Variants in RASSF5 observed in about 807,000 individuals in gnomAD.
RASSF5 encodes Ras association domain family member 5.
Under a neutral mutation model 40.5 loss-of-function variants are expected in RASSF5, and 25 were observed. That is an observed-to-expected ratio of 0.62 (90% CI 0.45 to 0.86). RASSF5 has a LOEUF of 0.86. Among genes scored for constraint, RASSF5 ranks in the 40% least tolerant of loss-of-function variants. The pLI, the probability that RASSF5 is intolerant of heterozygous loss-of-function variation, is 0.00. For missense variants in RASSF5, 521 were observed against 572.8 expected (o/e 0.91, Z 0.92); for synonymous variants, 246 against 252.4 (o/e 0.97, Z 0.24).
At position 206,521,332 on chromosome 1, in the gene RASSF5, C is replaced by T. The variant is rs781840374; in HGVS notation, c.457+13273C>T. 5.9e-5 allele frequency among the ~76,000 whole-genome samples: 9 copies of T among 152,252 alleles called. 1 individual carries two copies. In the Middle Eastern group the frequency reaches 0.014, roughly 230 times the overall value. On this transcript the variant is annotated intron_variant, in intron 1 of 5. Coordinates refer to ENST00000579436, the MANE Select transcript of RASSF5 (RefSeq NM_182663.4). The stretch of plus-strand genomic sequence containing the variant: ...TTCCCACTGCAAAAAAGCCTGCTTT[C>T]GCCCGGTTGATGATTGGCACTTTGA...
intron 2 of RASSF5, among the ~76,000 whole-genome samples, chr1:206,580,356 A>T (rs893621549): frequency 1.3e-5 from 2 of 152,176 alleles, no homozygotes; most frequent in Non-Finnish European, 2.9e-5. Flanking sequence ...TCTTTCCATT[A>T]CTTATTTTTT....
At chr1:206,568,037 T>G (rs1442888722) in intron 2 of RASSF5, among the ~76,000 whole-genome samples, 2 of 152,106 alleles carry the variant, frequency 1.3e-5, no homozygotes, top group Non-Finnish European at 2.9e-5. Flanking sequence ...TCCAGAACTC[T>G]CCAAGTAGTT....
At chr1:206,557,746 T>G in intron 2 of RASSF5, 1 of 1,588,738 alleles carries the variant, frequency 6.3e-7, no homozygotes, top group South Asian at 1.1e-5. Flanking sequence ...ATAACCTCTG[T>G]GGTCAATCTA....
chr1:206,524,058 T>C (rs1558498635), intron 1 of RASSF5, among the ~76,000 whole-genome samples: 1 of 109,892 alleles, frequency 9.1e-6, no homozygotes, highest in East Asian at 2.6e-4. Flanking sequence ...ATATAATAGG[T>C]ATAACATATA....
At chr1:206,540,943 G>A (rs558806289) in intron 2 of RASSF5, among the ~76,000 whole-genome samples, 1 of 152,214 alleles carries the variant, frequency 6.6e-6, no homozygotes, top group Admixed American at 6.5e-5. Context: ...GCCTAAGCTG[G>A]AGTGCAGTGG....
At chr1:206,518,393 C>T (rs948314991) in intron 1 of RASSF5, 12 of 398,576 alleles carry the variant, frequency 3.0e-5, no homozygotes, top group Admixed American at 4.4e-5. Flanking sequence ...CTGAGATGAC[C>T]GAGGGCCAGG....
intron 2 of RASSF5, among the ~76,000 whole-genome samples, chr1:206,561,663 C>CTTTTT (rs61094454): frequency 3.3e-4 from 39 of 117,972 alleles, no homozygotes; most frequent in Admixed American, 4.5e-4. Flanking sequence ...TTTTCTTTTT[C>CTTTTT]TTTTTTTTTT....
In RASSF5 at chr1:206,560,383, G is replaced by T. The variant is rs1668105614; in HGVS notation, c.579+22090G>T. Among the ~76,000 whole-genome samples the T allele has an allele frequency of 1.3e-5, 2 of 152,342 alleles. No individual in the cohort carries two copies. Among genetic ancestry groups the T allele is most frequent in the South Asian group, 2.1e-4 (1 of 4,830 alleles). On this transcript the variant is annotated intron_variant, in intron 2 of 5. Transcript: ENST00000579436. This position sits in a 1 kb window ranked among gnomAD's most constrained non-coding sequence, Gnocchi z 5.1. ...GGAAGAGGTCGGAGGGGTGGGAAAG[G>T]TCTCCCCATTTCATAGGAAGGGGGT...
At chr1:206,518,545 G>T in intron 1 of RASSF5, 1 of 398,700 alleles carries the variant, frequency 2.5e-6, no homozygotes. Flanking sequence ...AGGGCTCGGG[G>T]TAGGTCTAAG....
chr1:206,571,974 A>T (rs1045757407), intron 2 of RASSF5, among the ~76,000 whole-genome samples: 8 of 152,154 alleles, frequency 5.3e-5, no homozygotes, highest in African/African-American at 1.9e-4. Flanking sequence ...TCTGAGCTAA[A>T]AAGGGGGCTT....
At chr1:206,519,784 T>C (rs1414658516) in intron 1 of RASSF5, among the ~76,000 whole-genome samples, 1 of 152,258 alleles carries the variant, frequency 6.6e-6, no homozygotes, top group Non-Finnish European at 1.5e-5. Context: ...ATACGATTTT[T>C]CTGATTAAGG....
At chr1:206,533,733 TGA>T in intron 1 of RASSF5, among the ~76,000 whole-genome samples, 1 of 151,734 alleles carries the variant, frequency 6.6e-6, no homozygotes, top group Middle Eastern at 3.4e-3. Context: ...CCAACCTGGG[TGA>T]GAGAGTGAGA....
chr1:206,507,931 C>T lies in RASSF5; in HGVS notation c.329C>T (p.Pro110Leu). The T allele has an allele frequency of 2.0e-6, 3 of 1,520,638 alleles. No individual in the cohort carries two copies. The South Asian group carries it at 3.7e-5, about 19-fold the overall frequency. 94.2% of individuals were successfully genotyped at this position (1,520,638 alleles called of 1,614,324 possible). ...PRDVRSIFEQ[P>L]QDPRVPAERG... ...GACGTGCGGAGCATCTTCGAGCAGC[C>T]GCAGGATCCCAGAGTCCCGGCGGAG... is the stretch of plus-strand genomic sequence containing the variant. The change falls in exon 1 of 6, where the codon CCG (proline) becomes CTG (leucine). Residue 110 changes from proline to leucine, a missense_variant. Physicochemically the swap from Pro to Leu is moderately conservative, Grantham distance 98. Around this residue, in one of 2 missense-constraint regions of RASSF5, gnomAD observed 237 missense variants for 212.0 expected, o/e 1.12. Coordinates refer to ENST00000579436, the MANE Select transcript of RASSF5 (RefSeq NM_182663.4).
chr1:206,557,248 G>C (rs1668015130), intron 2 of RASSF5: 3 of 1,121,698 alleles, frequency 2.7e-6, no homozygotes, highest in Non-Finnish European at 3.3e-6. Flanking sequence ...CGGAGGGAGG[G>C]CGCTGGCGCC....
chr1:206,509,396 A>G (rs1666555817), intron 1 of RASSF5, among the ~76,000 whole-genome samples: 1 of 152,256 alleles, frequency 6.6e-6, no homozygotes, highest in African/African-American at 2.4e-5. Flanking sequence ...CAGAACCCCC[A>G]GTTCAGGTGC....
At chr1:206,529,618 G>A in intron 1 of RASSF5, 2 of 768,684 alleles carry the variant, frequency 2.6e-6, no homozygotes, top group Non-Finnish European at 4.7e-6. Flanking sequence ...TGTCACTGGG[G>A]CGGCAATGTC....
chr1:206,528,087 A>G (rs1667141898), intron 1 of RASSF5, among the ~76,000 whole-genome samples: 1 of 152,194 alleles, frequency 6.6e-6, no homozygotes, highest in African/African-American at 2.4e-5. Flanking sequence ...GAAGCAACCA[A>G]GATGTCCTTC....
chr1:206,581,435 T>TA (rs1305706136), intron 2 of RASSF5, among the ~76,000 whole-genome samples: 1 of 151,846 alleles, frequency 6.6e-6, no homozygotes, highest in Non-Finnish European at 1.5e-5. Context: ...CCGTCTCTAC[T>TA]AAAAAATACA....
intron 5 of RASSF5, chr1:206,586,529 C>G: frequency 3.6e-6 from 1 of 279,762 alleles, no homozygotes; most frequent in Non-Finnish European, 6.9e-6. Context: ...GTTCCAGCAT[C>G]ACTGTCAAGA....
Sources: allele counts gnomAD v4.1 joint callset (sites outside exome capture counted in the v4.1 genomes callset), GRCh38; gene constraint gnomAD v4.1.1; regional missense constraint gnomAD v4.1.1; non-coding constraint Gnocchi (gnomAD v3.1); transcripts MANE v1.5; gene names NCBI Gene and HGNC (gene_info 2026-07-23, HGNC 2026-07-21).